Variants in TSPAN5 observed in about 807,000 individuals in gnomAD.
TSPAN5 encodes the protein tetraspanin-5.
In TSPAN5, 10 loss-of-function variants were observed where a neutral mutation model predicts 37.1. The observed-to-expected ratio is 0.27, with a 90% CI of 0.17 to 0.46. The LOEUF (loss-of-function observed/expected upper bound fraction) is 0.46, where lower values mean the gene tolerates loss of function less well. TSPAN5 is among the 20% of genes least tolerant of loss of function. TSPAN5 has a pLI of 1.00. For synonymous variants in TSPAN5, 110 were observed against 118.9 expected (o/e 0.93, Z 0.48); for missense variants, 195 against 326.6 (o/e 0.60, Z 3.11).
chr4:98,630,328 C>G (rs1265452018), intron 1 of TSPAN5, among the ~76,000 whole-genome samples: 1 of 152,174 alleles, frequency 6.6e-6, no homozygotes, highest in Non-Finnish European at 1.5e-5. Flanking sequence ...CTCAGCAAAT[C>G]CCTACCCGCC....
chr4:98,574,078 T>C (rs1444007158), intron 1 of TSPAN5, among the ~76,000 whole-genome samples: 1 of 152,222 alleles, frequency 6.6e-6, no homozygotes, highest in Non-Finnish European at 1.5e-5. Context: ...AATGATCCCA[T>C]TTGGCCTGGG....
At chr4:98,591,075 TTG>T (rs1403903214) in intron 1 of TSPAN5, among the ~76,000 whole-genome samples, 29 of 150,484 alleles carry the variant, frequency 1.9e-4, no homozygotes, top group African/African-American at 4.5e-4. Flanking sequence ...TTTTGTTTTT[TTG>T]TTTTTTTTTT....
At chr4:98,568,019 C>A (rs934201417) in intron 1 of TSPAN5, among the ~76,000 whole-genome samples, 1 of 152,170 alleles carries the variant, frequency 6.6e-6, no homozygotes, top group Non-Finnish European at 1.5e-5. Flanking sequence ...TACATGCACA[C>A]TGCTTGGGCT....
intron 2 of TSPAN5, among the ~76,000 whole-genome samples, chr4:98,502,355 C>A (rs1193732445): frequency 6.6e-6 from 1 of 152,172 alleles, no homozygotes; most frequent in African/African-American, 2.4e-5. Flanking sequence ...AAAGCTCAGA[C>A]TGAGCCTTGG....
At chr4:98,601,012 G>A (rs1755869552) in intron 1 of TSPAN5, among the ~76,000 whole-genome samples, 1 of 152,118 alleles carries the variant, frequency 6.6e-6, no homozygotes, top group Admixed American at 6.5e-5. Flanking sequence ...AGAGCTCTTG[G>A]GTAACCAGGT....
intron 1 of TSPAN5, among the ~76,000 whole-genome samples, chr4:98,603,958 T>C (rs554179402): frequency 6.6e-6 from 1 of 152,284 alleles, no homozygotes; most frequent in East Asian, 1.9e-4. Context: ...AAACAACTAC[T>C]TTCTTGAATT....
chr4:98,563,114 C>T (rs535428514), intron 1 of TSPAN5, among the ~76,000 whole-genome samples: 4 of 152,184 alleles, frequency 2.6e-5, no homozygotes, highest in Admixed American at 6.5e-5. Flanking sequence ...ACAGCTATTA[C>T]GACCATTTTT....
intron 1 of TSPAN5, among the ~76,000 whole-genome samples, chr4:98,606,928 T>C (rs1756050619): frequency 6.6e-6 from 1 of 151,964 alleles, no homozygotes; most frequent in Non-Finnish European, 1.5e-5. Flanking sequence ...GAGTACTTCC[T>C]AAAGAGGCGA....
chr4:98,506,605 T>G (rs2110285235), intron 2 of TSPAN5, among the ~76,000 whole-genome samples: 1 of 152,326 alleles, frequency 6.6e-6, no homozygotes, highest in South Asian at 2.1e-4. Context: ...TGACTGGACC[T>G]TCCCAGTTTT....
intron 1 of TSPAN5, among the ~76,000 whole-genome samples, chr4:98,615,756 A>G (rs1756319696): frequency 2.0e-5 from 3 of 152,166 alleles, no homozygotes; most frequent in Admixed American, 6.5e-5. Flanking sequence ...ACACACACAT[A>G]TTGATTCTTA....
rs576229501 is a variant in TSPAN5, at chr4:98,621,282, T to C, written c.81+36864A>G. On this transcript the variant is annotated intron_variant, in intron 1 of 7. Coordinates refer to ENST00000305798, the MANE Select transcript of TSPAN5 (RefSeq NM_005723.4). ...CATCTCAGAGCTGCAGCCTCCAGAGTTGTGGGGCAATACATTTCTGTAGTT... is the reference window on the plus strand; with the variant it reads ...CATCTCAGAGCTGCAGCCTCCAGAGCTGTGGGGCAATACATTTCTGTAGTT... Among the ~76,000 whole-genome samples the C allele has an allele frequency of 1.8e-3, 274 of 152,004 alleles. 1 individual carries two copies. The Middle Eastern group carries it at 0.034, about 19-fold the overall frequency.
At chr4:98,576,928 T>G (rs1755251970) in intron 1 of TSPAN5, among the ~76,000 whole-genome samples, 1 of 151,992 alleles carries the variant, frequency 6.6e-6, no homozygotes, top group South Asian at 2.1e-4. Flanking sequence ...TCTGGCTAAT[T>G]TTTTGTATTT....
intron 1 of TSPAN5, among the ~76,000 whole-genome samples, chr4:98,541,036 C>A (rs1013547865): frequency 1.3e-5 from 2 of 152,232 alleles, no homozygotes; most frequent in African/African-American, 4.8e-5. Context: ...CCATTTCCTT[C>A]TAGCAGTGTG....
At chr4:98,615,419 T>C (rs1756301550) in intron 1 of TSPAN5, among the ~76,000 whole-genome samples, 2 of 152,206 alleles carry the variant, frequency 1.3e-5, no homozygotes, top group Admixed American at 1.3e-4. Flanking sequence ...ACTCAGCTTC[T>C]CTTCACTAAA....
intron 1 of TSPAN5, among the ~76,000 whole-genome samples, chr4:98,643,175 T>C (rs1040768824): frequency 6.6e-6 from 1 of 152,216 alleles, no homozygotes; most frequent in African/African-American, 2.4e-5. Flanking sequence ...TACTGTACCT[T>C]GTGTATGTTT....
intron 1 of TSPAN5, among the ~76,000 whole-genome samples, chr4:98,527,612 A>G (rs1035297242): frequency 6.6e-6 from 1 of 152,254 alleles, no homozygotes; most frequent in African/African-American, 2.4e-5. Flanking sequence ...CAGAAATGCT[A>G]ACATAAAAGA....
At chr4:98,584,561 C>G (rs72906086) in intron 1 of TSPAN5, among the ~76,000 whole-genome samples, 1 of 152,152 alleles carries the variant, frequency 6.6e-6, no homozygotes, top group African/African-American at 2.4e-5. Flanking sequence ...ATATTACACA[C>G]CATCTTCTAC....
intron 2 of TSPAN5, among the ~76,000 whole-genome samples, chr4:98,503,024 T>C (rs1181135467): frequency 2.0e-5 from 3 of 151,714 alleles, no homozygotes; most frequent in Admixed American, 1.3e-4. Context: ...TTGATCAAAA[T>C]GTATAGCTGA....
chr4:98,512,919 G>A lies in TSPAN5; in HGVS notation c.82-5191C>T, dbSNP rs1013128358. On this transcript the variant is annotated intron_variant, in intron 1 of 7. Coordinates refer to ENST00000305798, the MANE Select transcript of TSPAN5 (RefSeq NM_005723.4). ...AGAGTCCTCAAATAAAGAGTAAAAC[G>A]TAAAATCATTCCTAATGGTGCTACA... 3.9e-5 allele frequency among the ~76,000 whole-genome samples: 6 copies of A among 152,148 alleles called. No individual in the cohort carries two copies. In the South Asian group the frequency reaches 8.3e-4, roughly 21 times the overall value.
Sources: gnomAD v4.1 joint callset for allele counts (sites outside exome capture counted in the v4.1 genomes callset) on GRCh38, gnomAD v4.1.1 for gene constraint, MANE v1.5 for transcripts, NCBI Gene and HGNC (gene_info 2026-07-23, HGNC 2026-07-21) for gene names.